MAN2B1: variants seen among roughly 807,000 people sequenced by gnomAD.
MAN2B1 encodes the protein mannosidase alpha class 2B member 1.
In MAN2B1, 99 loss-of-function variants were observed where a neutral mutation model predicts 127.5. The ratio of observed to expected loss-of-function variants is 0.78; its 90% CI spans 0.66 to 0.92. MAN2B1 has a LOEUF of 0.92. MAN2B1 is among the 40% of genes least tolerant of loss of function. The pLI is 0.00. For missense variants in MAN2B1, 1,304 were observed against 1,384.8 expected, an observed-to-expected ratio of 0.94 and a Z score of 0.93; for synonymous variants, 573 against 568.8, an observed-to-expected ratio of 1.01 and a Z score of -0.11.
chr19:12,666,563 C>A lies in MAN2B1; in HGVS notation c.139G>T (p.Ala47Ser), dbSNP rs1304691051. ...FFLLLLAAAG[A>S]RAGGYETCPT... ...CTCACCTCGTATCCCCCGGCCCGAG[C>A]ACCGGCAGCCGCCAGCAACAAAAGG... Residue 47 changes from alanine to serine, a missense_variant, in exon 1 of 24, where the codon GCT becomes TCT. Ala to Ser is a moderately conservative substitution (Grantham distance 99, BLOSUM62 1). Transcript: ENST00000456935. 2 of 1,585,438 alleles carry A rather than the reference C, an allele frequency of 1.3e-6. No individual in the cohort carries two copies. Among genetic ancestry groups the A allele is most frequent in the South Asian group, 1.1e-5 (1 of 87,566 alleles).
chr19:12,666,461 G>T (rs1276966877), intron 1 of MAN2B1, 82 bp downstream of exon 1: 4 of 1,494,210 alleles, frequency 2.7e-6, no homozygotes, highest in Non-Finnish European at 3.6e-6. Context: ...GACACCCACA[G>T]GACAGACCCA....
In MAN2B1 at chr19:12,665,954, CACAT is replaced by C. The variant is rs574127368; in HGVS notation, c.160-153_160-150del. 3.2e-3 allele frequency: 2,233 copies of C among 702,770 alleles called. 23 individuals are homozygous for C. Among genetic ancestry groups the C allele is most frequent in the Middle Eastern group, 0.023 (65 of 2,808 alleles). The allele number at this position is 702,770 out of a possible 1,614,324, so 43.5% of individuals were successfully genotyped here. A position where few individuals can be genotyped will look rare whatever the true frequency, so the allele number is the denominator to read the frequency against. On this transcript the variant is annotated intron_variant, in intron 1 of 23. Coordinates refer to ENST00000456935, the MANE Select transcript of MAN2B1 (RefSeq NM_000528.4). Reference sequence around the variant, plus strand: ...GCCAGGCCCTCCCAGGCAGGACACACACATACATAGTTGTGCTCATAGATACAAC... The same window carrying C: ...GCCAGGCCCTCCCAGGCAGGACACACACATAGTTGTGCTCATAGATACAAC...
chr19:12,659,632 A>G (rs2024057115), intron 7 of MAN2B1, among the ~76,000 whole-genome samples: 1 of 151,880 alleles, frequency 6.6e-6, no homozygotes, highest in Non-Finnish European at 1.5e-5. Flanking sequence ...CAGCCTGGCC[A>G]ACATAGTGAA....
At chr19:12,662,990 G>A (rs148987107) in intron 6 of MAN2B1, among the ~76,000 whole-genome samples, 135 of 151,088 alleles carry the variant, frequency 8.9e-4, no homozygotes, top group African/African-American at 3.2e-3. Context: ...TAGAGGCCAG[G>A]TGCGGTGGCT....
intron 14 of MAN2B1, among the ~76,000 whole-genome samples, chr19:12,655,097 G>T (rs1188962870): frequency 6.6e-6 from 1 of 152,102 alleles, no homozygotes; most frequent in African/African-American, 2.4e-5. Flanking sequence ...CTCCCAATTA[G>T]CTGGGACAAC....
chr19:12,665,278 A>T, intron 3 of MAN2B1, 74 bp downstream of exon 3: 1 of 1,570,050 alleles, frequency 6.4e-7, no homozygotes, highest in South Asian at 1.1e-5. Context: ...GGCATGACAA[A>T]TCTCAGAAAC....
rs749826725 is a variant in MAN2B1, at chr19:12,658,436, G to C, written c.1101C>G (p.Asn367Lys). The C allele has an allele frequency of 1.3e-5, 21 of 1,614,104 alleles. No homozygotes were observed. Among genetic ancestry groups the C allele is most frequent in the African/African-American group, 2.7e-5 (2 of 74,942 alleles). Residue 367 changes from asparagine (N) to lysine (K), a missense_variant, in exon 8 of 24, where the codon AAC (asparagine) becomes AAG (lysine). By Grantham distance (94) the Asn-to-Lys change is moderately conservative. Transcript: ENST00000456935. ...ACYLWELNKA[N>K]LTWSVKHDDF... ...CCAGTTTCCCCAAATACCAGGTGAGGTTGGCCTTGTTCAGCTCCCAGAGGT... is the reference window on the plus strand; with the variant it reads ...CCAGTTTCCCCAAATACCAGGTGAGCTTGGCCTTGTTCAGCTCCCAGAGGT...
At chr19:12,657,661 G>A (rs2024001235) in intron 10 of MAN2B1, 106 bp from the exon 11 acceptor site, 1 of 1,012,932 alleles carries the variant, frequency 9.9e-7, no homozygotes, top group East Asian at 2.6e-5. Context: ...GAGGCTTTAA[G>A]AAGGAACTCG....
Position 12,647,369 on chromosome 19 carries a change from G to C in MAN2B1, c.2821-34C>G, listed in dbSNP as rs559212808. ...AAGGGGATGGGCCCAGATGAGTTGG[G>C]GCAAAGCCAGGTTTCTCTTCTCTCC... On this transcript the variant is annotated intron_variant, in intron 22 of 23. Coordinates refer to ENST00000456935, the MANE Select transcript of MAN2B1 (RefSeq NM_000528.4). This position sits in a 1 kb window ranked among gnomAD's most constrained non-coding sequence, Gnocchi z 4.9. 4 of 1,611,962 alleles carry C rather than the reference G, an allele frequency of 2.5e-6. No individual in the cohort carries two copies. In the African/African-American group the frequency reaches 5.3e-5, roughly 21 times the overall value.
Position 12,661,469 on chromosome 19 carries a change from G to A in MAN2B1, c.910-93C>T. 3.5e-6 allele frequency: 3 copies of A among 861,522 alleles called. No homozygotes were observed. The South Asian group carries it at 4.0e-5, about 11-fold the overall frequency. The allele number at this position is 861,522 out of a possible 1,614,324, so 53.4% of individuals were successfully genotyped here. ...ATGTATATGGGGTCAAGGATGTTGG[G>A]TGCACAGGCATGGGTGGGGGTATGG... On this transcript the variant is annotated intron_variant, in intron 6 of 23. Coordinates refer to ENST00000456935, the MANE Select transcript of MAN2B1 (RefSeq NM_000528.4).
chr19:12,647,288 C>T lies in MAN2B1; in HGVS notation c.2868G>A (p.Leu956=). The T allele has an allele frequency of 1.2e-6, 2 of 1,614,176 alleles. No individual in the cohort carries two copies. The highest frequency in any genetic ancestry group is 8.5e-7 in the Non-Finnish European group (1 of 1,180,038). ...FTITRLQETT[L]VANQLREAAS... is the part of the protein sequence containing the mutation. ...CTGCCTCGCGGAGCTGGTTGGCCAC[C>T]AGCGTGGTCTCCTGCAGGCGGGTGA... The change falls in exon 23 of 24, where the codon CTG becomes CTA. Residue 956 remains leucine (L), a synonymous_variant. Transcript: ENST00000456935. The surrounding 1 kb of genome is among the most constrained non-coding windows in gnomAD (Gnocchi z 4.9).
chr19:12,653,144 G>GTTTTTTTT (rs74180093), intron 14 of MAN2B1, among the ~76,000 whole-genome samples: 1 of 115,392 alleles, frequency 8.7e-6, no homozygotes, highest in Non-Finnish European at 1.8e-5. Flanking sequence ...TGGGTTTTTT[G>GTTTTTTTT]TTTTTTTTTT....
At chr19:12,663,016 G>A (rs905544218) in intron 6 of MAN2B1, among the ~76,000 whole-genome samples, 11 of 150,332 alleles carry the variant, frequency 7.3e-5, no homozygotes, top group African/African-American at 2.5e-4. Flanking sequence ...CTGTAATCCC[G>A]GCACTTTGGG....
In MAN2B1 at chr19:12,666,650, A is replaced by G; in HGVS notation, c.52T>C (p.Ser18Pro). The G allele has an allele frequency of 6.4e-7, 1 of 1,553,112 alleles. No homozygotes were observed. The highest frequency in any genetic ancestry group is 2.4e-5 in the East Asian group (1 of 41,274). Residue 18 changes from serine to proline, a missense_variant, in exon 1 of 24, where the codon TCA (serine) becomes CCA (proline). By Grantham distance (74) the Ser-to-Pro change is moderately conservative. Transcript: ENST00000456935. ...SGVCARGCLD[S>P]AGPWTMSRAL... ...CGGGACATGGTCCAGGGGCCTGCTGAGTCCAGGCAGCCGCGAGCGCAGACC... is the reference window on the plus strand; with the variant it reads ...CGGGACATGGTCCAGGGGCCTGCTGGGTCCAGGCAGCCGCGAGCGCAGACC...
chr19:12,648,072 A>C, intron 21 of MAN2B1, 103 bp downstream of exon 21: 4 of 1,215,200 alleles, frequency 3.3e-6, no homozygotes, highest in Non-Finnish European at 4.7e-6. Context: ...GGGGCTAATT[A>C]TGGCCAAATG....
rs1185295357 is a variant in MAN2B1, at chr19:12,658,141, C to T, written c.1231G>A (p.Val411Met). The change falls in exon 10 of 24, where the codon GTG becomes ATG. Residue 411 changes from valine to methionine, a missense_variant and splice_region_variant. Coordinates refer to ENST00000456935, the MANE Select transcript of MAN2B1 (RefSeq NM_000528.4). ...ACCAGCGCCTCCAGCTGGTTGCACA[C>T]CTGGAGGCAGAGGGGTATGTTGGGG... The part of the protein sequence containing the change: ...YERLSYNFLQ[V>M]CNQLEALVGL... 3.7e-6 allele frequency: 6 copies of T among 1,613,360 alleles called. No homozygotes were observed. In the East Asian group the frequency reaches 1.1e-4, roughly 30 times the overall value.
intron 14 of MAN2B1, among the ~76,000 whole-genome samples, chr19:12,653,817 C>G (rs1250930026): frequency 6.6e-6 from 1 of 151,892 alleles, no homozygotes; most frequent in African/African-American, 2.4e-5. Context: ...CTCCTGGGTT[C>G]AAGTGATTCT....
In MAN2B1 at chr19:12,666,678, C is replaced by T; in HGVS notation, c.24G>A (p.Ser8=). 3 of 1,551,102 alleles carry T rather than the reference C, an allele frequency of 1.9e-6. No individual in the cohort carries two copies. The highest frequency in any genetic ancestry group is 1.7e-6 in the Non-Finnish European group (2 of 1,147,558). MGAYARA[S]GVCARGCLDS... ...CCAGGCAGCCGCGAGCGCAGACCCC[C>T]GAAGCCCGCGCGTAGGCGCCCATGG... The change falls in exon 1 of 24, where the codon TCG becomes TCA. Residue 8 remains serine (S), a synonymous_variant. Transcript: ENST00000456935.
At position 12,647,269 on chromosome 19, in the gene MAN2B1, C is replaced by G; in HGVS notation, c.2887G>C (p.Glu963Gln). The G allele has an allele frequency of 6.2e-7, 1 of 1,614,102 alleles. No individual in the cohort carries two copies. The highest frequency in any genetic ancestry group is 8.5e-7 in the Non-Finnish European group (1 of 1,179,998). Residue 963 changes from glutamate (E) to glutamine (Q), a missense_variant, in exon 23 of 24, where the codon GAG becomes CAG. Coordinates refer to ENST00000456935, the MANE Select transcript of MAN2B1 (RefSeq NM_000528.4). The surrounding 1 kb of genome is among the most constrained non-coding windows in gnomAD (Gnocchi z 4.9). ...GTCCACTTGAGCCTGGAGGCTGCCT[C>G]GCGGAGCTGGTTGGCCACCAGCGTG... ...ETTLVANQLREAASRLKWTTN... is the reference protein window; with the variant it reads ...ETTLVANQLRQAASRLKWTTN...
Sources: allele counts gnomAD v4.1 joint callset (sites outside exome capture counted in the v4.1 genomes callset), GRCh38; gene constraint gnomAD v4.1.1; non-coding constraint Gnocchi (gnomAD v3.1); transcripts MANE v1.5; gene names NCBI Gene and HGNC (gene_info 2026-07-23, HGNC 2026-07-21).